The following ARHGEF4 variants were observed in gnomAD, a reference collection of about 807,000 sequenced individuals.
The protein encoded by ARHGEF4 is Rho guanine nucleotide exchange factor 4.
ARHGEF4 carries 119 observed loss-of-function variants against 162.0 expected under a neutral mutation model. The ratio of observed to expected loss-of-function variants is 0.73; its 90% CI spans 0.63 to 0.86. The LOEUF is 0.86. Among genes scored for constraint, ARHGEF4 ranks in the 40% least tolerant of loss-of-function variants. The pLI is 0.00. For missense variants in ARHGEF4, 2,488 were observed against 2,456.0 expected, an observed-to-expected ratio of 1.01 and a Z score of -0.28; for synonymous variants, 1,014 against 979.9, an observed-to-expected ratio of 1.03 and a Z score of -0.65.
At chr2:130,865,807 CTT>C in intron 1 of ARHGEF4, among the ~76,000 whole-genome samples, 1 of 152,272 alleles carries the variant, frequency 6.6e-6, no homozygotes, top group African/African-American at 2.4e-5. Flanking sequence ...CCAGCTGGCT[CTT>C]GATCTCAGGC....
intron 1 of ARHGEF4, among the ~76,000 whole-genome samples, chr2:130,838,710 C>T (rs1198684268): frequency 6.6e-6 from 1 of 152,184 alleles, no homozygotes; most frequent in East Asian, 1.9e-4. Flanking sequence ...GTGGTGAGCC[C>T]TGGACCTTGG....
chr2:130,913,933 T>C (rs982463357), intron 1 of ARHGEF4, 53 bp from the exon 2 acceptor site: 3 of 1,532,230 alleles, frequency 2.0e-6, no homozygotes, highest in Non-Finnish European at 8.7e-7. Flanking sequence ...TGTAAACATG[T>C]GCACAGATGT....
chr2:130,953,375 T>A (rs1684072549), intron 4 of ARHGEF4, among the ~76,000 whole-genome samples: 1 of 152,202 alleles, frequency 6.6e-6, no homozygotes, highest in Non-Finnish European at 1.5e-5. Flanking sequence ...TGAAACTGGA[T>A]CCTTTCCTTG....
At chr2:130,969,492 G>A (rs984693148) in intron 4 of ARHGEF4, among the ~76,000 whole-genome samples, 3 of 151,914 alleles carry the variant, frequency 2.0e-5, no homozygotes, top group Non-Finnish European at 2.9e-5. Flanking sequence ...CCAGCTACTC[G>A]GGAGGCTGAG....
intron 1 of ARHGEF4, among the ~76,000 whole-genome samples, chr2:130,885,520 G>C (rs894936143): frequency 4.6e-5 from 7 of 151,508 alleles, no homozygotes; most frequent in African/African-American, 1.7e-4. Context: ...TAGTGGAGGG[G>C]GGTGAGGGCA....
At chr2:130,843,507 C>T (rs927229948) in intron 1 of ARHGEF4, among the ~76,000 whole-genome samples, 2 of 152,194 alleles carry the variant, frequency 1.3e-5, no homozygotes, top group Non-Finnish European at 2.9e-5. Flanking sequence ...CCTGGACTTG[C>T]CAGCCTTGGC....
chr2:130,873,690 G>C (rs951594057), intron 1 of ARHGEF4, among the ~76,000 whole-genome samples: 2 of 152,104 alleles, frequency 1.3e-5, no homozygotes, highest in African/African-American at 4.8e-5. Context: ...GTGGCTAGCG[G>C]CTTCTTTTTA....
intron 2 of ARHGEF4, among the ~76,000 whole-genome samples, chr2:130,922,419 C>G (rs1681930528): frequency 6.6e-6 from 1 of 152,006 alleles, no homozygotes. Context: ...GGACTGCAGC[C>G]TGGGACACAC....
At chr2:130,950,610 A>G (rs1683891934) in intron 4 of ARHGEF4, among the ~76,000 whole-genome samples, 1 of 152,092 alleles carries the variant, frequency 6.6e-6, no homozygotes, top group Non-Finnish European at 1.5e-5. Context: ...GGATATTCAC[A>G]GATACGTGCG....
At chr2:130,869,902 G>A (rs894703432) in intron 1 of ARHGEF4, among the ~76,000 whole-genome samples, 5 of 152,226 alleles carry the variant, frequency 3.3e-5, no homozygotes, top group African/African-American at 1.2e-4. Context: ...GACCCTCACT[G>A]TGTGCACACA....
chr2:130,992,148 T>C (rs547063976), intron 4 of ARHGEF4, among the ~76,000 whole-genome samples: 1 of 152,124 alleles, frequency 6.6e-6, no homozygotes, highest in Non-Finnish European at 1.5e-5. Flanking sequence ...CGAACCTTTG[T>C]ATCTAGCTCA....
At chr2:131,014,705 G>C (rs560912950) in intron 4 of ARHGEF4, among the ~76,000 whole-genome samples, 2 of 152,256 alleles carry the variant, frequency 1.3e-5, no homozygotes, top group South Asian at 4.2e-4. Context: ...TTTCTTCTCT[G>C]GCATTTTAAA....
chr2:130,883,519 T>A (rs1679324930), intron 1 of ARHGEF4, among the ~76,000 whole-genome samples: 1 of 152,136 alleles, frequency 6.6e-6, no homozygotes, highest in South Asian at 2.1e-4. Context: ...CCTTCCCCAC[T>A]AAAAATACTG....
intron 1 of ARHGEF4, among the ~76,000 whole-genome samples, chr2:130,861,275 T>TTTTA (rs1230252190): frequency 5.5e-5 from 1 of 18,070 alleles, no homozygotes; most frequent in African/African-American, 3.6e-4. Flanking sequence ...TTTAAATTTA[T>TTTTA]TTTATTTATT....
chr2:131,021,825 A>G (rs1689155518), intron 4 of ARHGEF4, among the ~76,000 whole-genome samples: 1 of 152,202 alleles, frequency 6.6e-6, no homozygotes, highest in Non-Finnish European at 1.5e-5. Flanking sequence ...CCTTTATCAC[A>G]TTGAGGACTT....
intron 2 of ARHGEF4, among the ~76,000 whole-genome samples, chr2:130,922,844 T>G (rs1245999774): frequency 2.0e-5 from 3 of 151,874 alleles, no homozygotes; most frequent in African/African-American, 7.2e-5. Context: ...CTCTTACTGA[T>G]TCTTGATAGA....
intron 4 of ARHGEF4, among the ~76,000 whole-genome samples, chr2:131,016,397 G>A (rs903642261): frequency 1.6e-4 from 24 of 152,172 alleles, no homozygotes; most frequent in African/African-American, 5.3e-4. Context: ...GAACCAATGC[G>A]CAGACGTGAA....
At chr2:130,894,789 T>G (rs912487848) in intron 1 of ARHGEF4, among the ~76,000 whole-genome samples, 9 of 152,192 alleles carry the variant, frequency 5.9e-5, no homozygotes, top group Middle Eastern at 3.4e-3. Context: ...GGCGGGAGGT[T>G]GGGCAGTCCC....
intron 3 of ARHGEF4, among the ~76,000 whole-genome samples, chr2:130,935,108 A>AT (rs1682860317): frequency 6.6e-6 from 1 of 150,804 alleles, no homozygotes; most frequent in Non-Finnish European, 1.5e-5. Context: ...GGTTGTCTTG[A>AT]TTTTCTCTAT....
Sources: gnomAD v4.1 joint callset for allele counts (sites outside exome capture counted in the v4.1 genomes callset) on GRCh38, gnomAD v4.1.1 for gene constraint, MANE v1.5 for transcripts, NCBI Gene and HGNC (gene_info 2026-07-23, HGNC 2026-07-21) for gene names.